CEP131: variants seen among roughly 807,000 people sequenced by gnomAD.
The protein encoded by CEP131 is centrosomal protein of 131 kDa.
Under a neutral mutation model 136.8 loss-of-function variants are expected in CEP131, and 99 were observed. The ratio of observed to expected loss-of-function variants is 0.72; its 90% CI spans 0.62 to 0.86. The LOEUF (loss-of-function observed/expected upper bound fraction) is 0.86, where lower values mean the gene tolerates loss of function less well. Among genes scored for constraint, CEP131 ranks in the 40% least tolerant of loss-of-function variants. The probability of loss-of-function intolerance (pLI) is 0.00; values close to 1 mark genes in which losing one functional copy is unlikely to be tolerated. For missense variants in CEP131, 1,459 were observed against 1,463.0 expected (o/e 1.00, Z 0.04); for synonymous variants, 646 against 612.7 (o/e 1.05, Z -0.80).
chr17:81,204,010 G>A (rs768935171), intron 5 of CEP131: 2 of 186,904 alleles, frequency 1.1e-5, no homozygotes, highest in South Asian at 1.0e-4. Context: ...GAAGGCGGGA[G>A]GACAGGACCA....
At chr17:81,213,558 C>CAAAAA (rs35729341) in intron 2 of CEP131, among the ~76,000 whole-genome samples, 2 of 137,882 alleles carry the variant, frequency 1.5e-5, no homozygotes, top group African/African-American at 5.3e-5. Context: ...GACACTGTCT[C>CAAAAA]AAAAAAAAAA....
At position 81,192,045 on chromosome 17, in the gene CEP131, G is replaced by GCA. The variant is rs371037786; in HGVS notation, c.2622+271_2622+272dup. On this transcript the variant is annotated intron_variant, in intron 21 of 25. Coordinates refer to ENST00000450824, the MANE Select transcript of CEP131 (RefSeq NM_014984.4). ...GCTGGTCGTGGGGCGCAGGGGTGTA[G>GCA]CAGCCCCTAGCGAGAGGGGCAACGC... Among the ~76,000 whole-genome samples the GCA allele has an allele frequency of 7.1e-3, 1,083 of 152,194 alleles. 13 individuals are homozygous for GCA. The highest frequency in any genetic ancestry group is 0.024 in the African/African-American group (1,003 of 41,512).
Position 81,190,966 on chromosome 17 carries a change from T to C in CEP131, c.2884A>G (p.Asn962Asp). Residue 962 changes from asparagine to aspartate, a missense_variant, in exon 23 of 26, where the codon AAT (asparagine) becomes GAT (aspartate). Asn to Asp is a conservative substitution (Grantham distance 23, BLOSUM62 1). Around this residue, in one of 3 missense-constraint regions of CEP131, gnomAD observed 1,026 missense variants for 964.2 expected, o/e 1.06. Transcript: ENST00000450824. ...CGCACAAGGCCCTGCAGACGCAGAT[T>C]CTCGCCCTCGGCCTCCCCAAGCTGG... ...KGQLGEAEGE[N>D]LRLQGLVRQK... The C allele has an allele frequency of 6.2e-7, 1 of 1,606,048 alleles. No individual in the cohort carries two copies. Among genetic ancestry groups the C allele is most frequent in the South Asian group, 1.1e-5 (1 of 91,080 alleles).
At chr17:81,197,627 G>C in intron 13 of CEP131, 85 bp downstream of exon 13, 1 of 1,488,936 alleles carries the variant, frequency 6.7e-7, no homozygotes, top group Non-Finnish European at 8.9e-7. Context: ...GGGCTGGTGA[G>C]GGGCCTCCTC....
At position 81,219,389 on chromosome 17, in the gene CEP131, G is replaced by A. The variant is rs2062333855; in HGVS notation, c.177+491C>T. Among the ~76,000 whole-genome samples, 1 of 151,744 alleles carries A rather than the reference G, an allele frequency of 6.6e-6. No individual in the cohort carries two copies. Among genetic ancestry groups the A allele is most frequent in the Non-Finnish European group, 1.5e-5 (1 of 67,964 alleles). Reference sequence around the variant, plus strand: ...GCTCACCGCAACCTCTGCCTCCTGGGTTCGAGCAAATCTCCTGCCTCAGCC... The same window carrying A: ...GCTCACCGCAACCTCTGCCTCCTGGATTCGAGCAAATCTCCTGCCTCAGCC... On this transcript the variant is annotated intron_variant, in intron 2 of 25. Coordinates refer to ENST00000450824, the MANE Select transcript of CEP131 (RefSeq NM_014984.4). The surrounding 1 kb of genome is among the most constrained non-coding windows in gnomAD (Gnocchi z 4.0).
Position 81,215,068 on chromosome 17 carries a change from C to T in CEP131, c.177+4812G>A, listed in dbSNP as rs113991635. On this transcript the variant is annotated intron_variant, in intron 2 of 25. Coordinates refer to ENST00000450824, the MANE Select transcript of CEP131 (RefSeq NM_014984.4). This position sits in a 1 kb window ranked among gnomAD's most constrained non-coding sequence, Gnocchi z 4.1. ...CTGGGATTACAGGCATGAGCCACCGCGCCTGGCCAAAAATTTACAATTTAG... is the reference window on the plus strand; with the variant it reads ...CTGGGATTACAGGCATGAGCCACCGTGCCTGGCCAAAAATTTACAATTTAG... 0.039 allele frequency among the ~76,000 whole-genome samples: 5,897 copies of T among 151,750 alleles called. 162 individuals are homozygous for T. The highest frequency in any genetic ancestry group is 0.077 in the African/African-American group (3,184 of 41,336).
intron 10 of CEP131, 139 bp downstream of exon 10, chr17:81,199,242 C>T: frequency 9.3e-7 from 1 of 1,079,908 alleles, no homozygotes; most frequent in Non-Finnish European, 1.3e-6. Context: ...AGCTGGGGGC[C>T]AAGGCCCCTA....
At chr17:81,205,008 C>G (rs1232187469) in intron 5 of CEP131, among the ~76,000 whole-genome samples, 1 of 152,180 alleles carries the variant, frequency 6.6e-6, no homozygotes, top group Non-Finnish European at 1.5e-5. Context: ...CACCTATAAT[C>G]CTAGCACTTT....
intron 2 of CEP131, among the ~76,000 whole-genome samples, chr17:81,217,984 A>G (rs77253927): frequency 0.046 from 6,988 of 151,830 alleles, 239 homozygotes; most frequent in African/African-American, 0.1. Context: ...AGAGAGCTGC[A>G]ATTTCTTTCT....
Position 81,189,784 on chromosome 17 carries a change from C to A in CEP131, c.3228G>T (p.Thr1076=). The part of the protein sequence containing the change: ...EELLEQHRRP[T]PSTK ...GCATCCCTGGTCACTTGGTACTTGG[C>A]GTGGGCCTCCTGTGCTGCTCCAGCA... Residue 1076 remains threonine (T), a synonymous_variant, in exon 26 of 26, where the codon ACG becomes ACT. Coordinates refer to ENST00000450824, the MANE Select transcript of CEP131 (RefSeq NM_014984.4). 6.2e-7 allele frequency: 1 copy of A among 1,606,118 alleles called. No homozygotes were observed. Among genetic ancestry groups the A allele is most frequent in the Non-Finnish European group, 8.5e-7 (1 of 1,176,080 alleles).
rs146148645 is a variant in CEP131, at chr17:81,206,832, G to A, written c.427C>T (p.Arg143Trp). ...GGTGAGTCAAGGGCACTGGAACTCCGGGCATTGGATGGCAAGGTGAAGCCC... is the reference window on the plus strand; with the variant it reads ...GGTGAGTCAAGGGCACTGGAACTCCAGGCATTGGATGGCAAGGTGAAGCCC... ...PRGFTLPSNA[R>W]SSSALDSPAG... Residue 143 changes from arginine (R) to tryptophan (W), a missense_variant, in exon 5 of 26, where the codon CGG becomes TGG. Transcript: ENST00000450824. 3.7e-4 allele frequency: 592 copies of A among 1,614,024 alleles called. 1 individual carries two copies. In the African/African-American group the frequency reaches 6.7e-3, roughly 18 times the overall value.
At chr17:81,192,180 C>T (rs904435357) in intron 21 of CEP131, 138 bp downstream of exon 21, 33 of 755,374 alleles carry the variant, frequency 4.4e-5, no homozygotes, top group Non-Finnish European at 6.6e-5. Flanking sequence ...ACAACAACCC[C>T]AAGCAGCCAG....
At chr17:81,199,001 A>G in intron 10 of CEP131, 30 bp from the exon 11 acceptor site, 2 of 1,495,062 alleles carry the variant, frequency 1.3e-6, no homozygotes, top group East Asian at 2.5e-5. Context: ...ACCATTCCAC[A>G]GGGAGCATCC....
chr17:81,221,262 G>T (rs1221540812), intron 1 of CEP131, among the ~76,000 whole-genome samples: 2 of 151,926 alleles, frequency 1.3e-5, no homozygotes, highest in African/African-American at 2.4e-5. Context: ...GGGTTCTGAC[G>T]ATCGATCGAG....
intron 2 of CEP131, among the ~76,000 whole-genome samples, chr17:81,211,069 A>C (rs1431421412): frequency 6.6e-6 from 1 of 152,340 alleles, no homozygotes; most frequent in Admixed American, 6.5e-5. Flanking sequence ...CCATTCTTCC[A>C]GAGAAAGTAC....
At chr17:81,192,685 G>GGGGGGGGGGGCGGCCC in intron 19 of CEP131, 51 bp downstream of exon 19, 3 of 478,428 alleles carry the variant, frequency 6.3e-6, no homozygotes, top group Non-Finnish European at 1.2e-5. Flanking sequence ...GGGGGGAGGG[G>GGGGGGGGGGGCGGCCC]TCAGCCAGCG....
At chr17:81,195,700 A>G (rs972522488) in intron 16 of CEP131, 135 bp downstream of exon 16, 49 of 753,742 alleles carry the variant, frequency 6.5e-5, no homozygotes, top group Non-Finnish European at 9.2e-5. Context: ...AGACAGCCCC[A>G]CCCACCGCTG....
At chr17:81,217,409 A>C (rs997639885) in intron 2 of CEP131, among the ~76,000 whole-genome samples, 4 of 151,952 alleles carry the variant, frequency 2.6e-5, no homozygotes, top group Non-Finnish European at 5.9e-5. Flanking sequence ...CACCCCACCC[A>C]CAAACACCAG....
rs2062076250 is a variant in CEP131, at chr17:81,209,031, A to G, written c.178-9T>C. The G allele has an allele frequency of 6.3e-7, 1 of 1,599,886 alleles. No homozygotes were observed. Among genetic ancestry groups the G allele is most frequent in the East Asian group, 2.2e-5 (1 of 44,780 alleles). On this transcript the variant is annotated splice_polypyrimidine_tract_variant and intron_variant, in intron 2 of 25. Transcript: ENST00000450824. Reference sequence around the variant, plus strand: ...CCAGGCCCTGTGGCCTCCTGCAAAAAGGGAGAAAACAGTTAATTATGCAGC... The same window carrying G: ...CCAGGCCCTGTGGCCTCCTGCAAAAGGGGAGAAAACAGTTAATTATGCAGC...
Sources: allele counts gnomAD v4.1 joint callset (sites outside exome capture counted in the v4.1 genomes callset), GRCh38; gene constraint gnomAD v4.1.1; regional missense constraint gnomAD v4.1.1; non-coding constraint Gnocchi (gnomAD v3.1); transcripts MANE v1.5; gene names NCBI Gene and HGNC (gene_info 2026-07-23, HGNC 2026-07-21).